The following CCDC171 variants were observed in gnomAD, a reference collection of about 807,000 sequenced individuals.
The protein encoded by CCDC171 is coiled-coil domain containing 171, also known as coiled-coil domain-containing protein 171.
CCDC171 carries 177 observed loss-of-function variants against 168.2 expected under a neutral mutation model. The observed-to-expected ratio is 1.05, with a 90% CI of 0.93 to 1.19. CCDC171 has a LOEUF of 1.19. CCDC171 is among the 50% of genes most tolerant of loss of function. The pLI is 0.00. For synonymous variants in CCDC171, 687 were observed against 540.8 expected (o/e 1.27, Z -3.75); for missense variants, 1,991 against 1,539.0 (o/e 1.29, Z -4.91).
chr9:15,698,520 CAAAAAAAAAAA>C (rs35301658), intron 11 of CCDC171, among the ~76,000 whole-genome samples: 97 of 106,968 alleles, frequency 9.1e-4, no homozygotes, highest in African/African-American at 3.1e-3. Context: ...GACCCCGTCT[CAAAAAAAAAAA>C]AAAAAAAAGG....
intron 18 of CCDC171, among the ~76,000 whole-genome samples, chr9:15,746,966 C>G (rs911440427): frequency 2.0e-5 from 3 of 152,294 alleles, no homozygotes; most frequent in South Asian, 2.1e-4. Context: ...ACTGGCTCGG[C>G]GGGTCCCATG....
chr9:15,689,797 G>A (rs2050660341), intron 10 of CCDC171, among the ~76,000 whole-genome samples: 1 of 152,150 alleles, frequency 6.6e-6, no homozygotes, highest in African/African-American at 2.4e-5. Context: ...CAATTTTAAA[G>A]CTAACTACAA....
chr9:15,972,404 A>C lies in CCDC171; in HGVS notation c.*568A>C, dbSNP rs1831440936. Reference sequence around the variant, plus strand: ...TGCACAATAATGTCACTCCTGGTCAATGTGAGAAGGTCAGGTTGCTCCTTG... The same window carrying C: ...TGCACAATAATGTCACTCCTGGTCACTGTGAGAAGGTCAGGTTGCTCCTTG... On this transcript the variant is annotated 3_prime_UTR_variant, in exon 26 of 26. Transcript: ENST00000380701. 6.5e-6 allele frequency: 1 copy of C among 152,958 alleles called. No individual in the cohort carries two copies. The highest frequency in any genetic ancestry group is 2.1e-4 in the South Asian group (1 of 4,844). 9.5% of individuals were successfully genotyped at this position (152,958 alleles called of 1,614,324 possible).
intron 9 of CCDC171, among the ~76,000 whole-genome samples, chr9:15,667,600 C>A (rs548883294): frequency 1.3e-5 from 2 of 152,124 alleles, no homozygotes; most frequent in East Asian, 3.9e-4. Context: ...GAGCTGAGAT[C>A]GCGCCATTGC....
chr9:16,048,067 C>A (rs1833688761), intron 1 of CCDC171, among the ~76,000 whole-genome samples: 1 of 152,198 alleles, frequency 6.6e-6, no homozygotes, highest in Admixed American at 6.5e-5. Context: ...AGTGGAAATG[C>A]ACAGGCAGAG....
intron 4 of CCDC171, among the ~76,000 whole-genome samples, chr9:15,590,830 TTTCTTC>T (rs1260268452): frequency 3.4e-5 from 5 of 146,432 alleles, no homozygotes; most frequent in South Asian, 2.2e-4. Context: ...TCTTTCTTTC[TTTCTTC>T]TTCTTTCTTT....
At chr9:15,950,852 C>A (rs1829067473) in intron 25 of CCDC171, among the ~76,000 whole-genome samples, 1 of 151,246 alleles carries the variant, frequency 6.6e-6, no homozygotes. Context: ...AGTCAAGACC[C>A]ATCAGTGTGC....
chr9:16,073,896 G>T, the CCDC171 span, among the ~76,000 whole-genome samples: 1 of 152,188 alleles, frequency 6.6e-6, no homozygotes, highest in Non-Finnish European at 1.5e-5. Flanking sequence ...ATTGGGAAGA[G>T]GGCTTTCAAA....
At chr9:15,596,876 G>T (rs1180372276) in intron 6 of CCDC171, among the ~76,000 whole-genome samples, 1 of 152,094 alleles carries the variant, frequency 6.6e-6, no homozygotes. Flanking sequence ...TTGTAAGTTG[G>T]ATTCCTAGGT....
At chr9:15,980,436 C>T (rs1323262935) in intron 3 of CCDC171, among the ~76,000 whole-genome samples, 1 of 152,160 alleles carries the variant, frequency 6.6e-6, no homozygotes, top group African/African-American at 2.4e-5. Context: ...CAGCAGATCT[C>T]CTCCCTCTCA....
At chr9:15,960,368 T>A (rs1388530942) in intron 25 of CCDC171, among the ~76,000 whole-genome samples, 1 of 152,104 alleles carries the variant, frequency 6.6e-6, no homozygotes, top group African/African-American at 2.4e-5. Context: ...TTGATAGATA[T>A]TTACTGAAAA....
At chr9:15,795,998 A>T (rs2058537127) in intron 21 of CCDC171, among the ~76,000 whole-genome samples, 1 of 152,270 alleles carries the variant, frequency 6.6e-6, no homozygotes, top group Admixed American at 6.5e-5. Flanking sequence ...TTTATAAAAA[A>T]ATTCAATATT....
intron 16 of CCDC171, among the ~76,000 whole-genome samples, chr9:15,735,896 T>C (rs2054463329): frequency 6.6e-6 from 1 of 152,190 alleles, no homozygotes. Flanking sequence ...AATAATTGCT[T>C]TAGAAATTGT....
chr9:15,608,804 ATATATT>A (rs2043413621), intron 6 of CCDC171, among the ~76,000 whole-genome samples: 2 of 151,004 alleles, frequency 1.3e-5, no homozygotes, highest in African/African-American at 4.9e-5. Context: ...AAAAAAGTAT[ATATATT>A]AGCCAGGCGT....
At chr9:16,017,947 A>G (rs988513063) in intron 3 of CCDC171, among the ~76,000 whole-genome samples, 5 of 150,880 alleles carry the variant, frequency 3.3e-5, no homozygotes, top group South Asian at 2.1e-4. Flanking sequence ...GAACCAAACA[A>G]TACTGCAGCA....
intron 7 of CCDC171, among the ~76,000 whole-genome samples, chr9:15,641,086 T>G (rs190640418): frequency 6.6e-6 from 1 of 152,286 alleles, no homozygotes; most frequent in Non-Finnish European, 1.5e-5. Context: ...GAATCACCTT[T>G]TTGTAGATGG....
At chr9:15,937,424 A>C (rs1827235824) in intron 25 of CCDC171, among the ~76,000 whole-genome samples, 2 of 152,020 alleles carry the variant, frequency 1.3e-5, no homozygotes, top group South Asian at 2.1e-4. Context: ...AGGGAAGTAA[A>C]AGTTGTAATA....
At chr9:15,840,697 A>G (rs561066963) in intron 21 of CCDC171, among the ~76,000 whole-genome samples, 1 of 152,220 alleles carries the variant, frequency 6.6e-6, no homozygotes, top group South Asian at 2.1e-4. Context: ...CAATAAATCT[A>G]GCTACCACTT....
chr9:15,863,239 G>A (rs937773768), intron 23 of CCDC171, among the ~76,000 whole-genome samples: 4 of 152,038 alleles, frequency 2.6e-5, no homozygotes, highest in African/African-American at 9.7e-5. Flanking sequence ...TAACGATGCT[G>A]TGCTGGGAGT....
Sources: gnomAD v4.1 joint callset for allele counts (sites outside exome capture counted in the v4.1 genomes callset) on GRCh38, gnomAD v4.1.1 for gene constraint, MANE v1.5 for transcripts, NCBI Gene and HGNC (gene_info 2026-07-23, HGNC 2026-07-21) for gene names.